The following NLGN1 variants were observed in gnomAD, a reference collection of about 807,000 sequenced individuals.
NLGN1 encodes neuroligin 1, also known as neuroligin-1.
A neutral mutation model predicts 65.5 loss-of-function variants in NLGN1; 12 were observed. The ratio of observed to expected loss-of-function variants is 0.18; its 90% CI spans 0.12 to 0.30. The LOEUF is 0.30. Ranked by LOEUF, NLGN1 falls within the 10% of genes least tolerant of loss-of-function variation. The pLI, the probability that NLGN1 is intolerant of heterozygous loss-of-function variation, is 1.00. For missense variants in NLGN1, 750 were observed against 1,007.1 expected (o/e 0.74, Z 3.46); for synonymous variants, 350 against 359.5 (o/e 0.97, Z 0.30).
At chr3:173,808,472 T>A (rs1717153094) in intron 4 of NLGN1, among the ~76,000 whole-genome samples, 2 of 152,148 alleles carry the variant, frequency 1.3e-5, no homozygotes, top group Non-Finnish European at 2.9e-5. Flanking sequence ...TAGAGACATA[T>A]TACTTATAAA....
At chr3:173,707,118 C>T (rs1768161283) in intron 3 of NLGN1, among the ~76,000 whole-genome samples, 2 of 152,190 alleles carry the variant, frequency 1.3e-5, no homozygotes, top group African/African-American at 4.8e-5. Flanking sequence ...AGATAAGGTC[C>T]TTGGTTGCAG....
At chr3:173,638,175 G>A (rs987473612) in intron 3 of NLGN1, among the ~76,000 whole-genome samples, 2 of 151,710 alleles carry the variant, frequency 1.3e-5, no homozygotes, top group African/African-American at 4.8e-5. Context: ...AATAAATAGG[G>A]GAATGCATTT....
intron 4 of NLGN1, among the ~76,000 whole-genome samples, chr3:174,226,556 G>A (rs938867278): frequency 6.6e-6 from 1 of 152,062 alleles, no homozygotes; most frequent in Non-Finnish European, 1.5e-5. Context: ...GGGAACTATT[G>A]AAGACTATAT....
intron 2 of NLGN1, among the ~76,000 whole-genome samples, chr3:173,441,220 G>A (rs1271442531): frequency 1.3e-5 from 2 of 152,174 alleles, no homozygotes; most frequent in Non-Finnish European, 2.9e-5. Flanking sequence ...CTTTTATCCA[G>A]ACTACTAAAA....
chr3:173,639,027 A>G (rs932233924), intron 3 of NLGN1, among the ~76,000 whole-genome samples: 6 of 152,210 alleles, frequency 3.9e-5, no homozygotes, highest in Non-Finnish European at 8.8e-5. Context: ...CTCAACAGGA[A>G]TGCTGAAGGA....
chr3:174,179,457 G>GTATA (rs1174274576), intron 4 of NLGN1, among the ~76,000 whole-genome samples: 1 of 152,060 alleles, frequency 6.6e-6, no homozygotes, highest in African/African-American at 2.4e-5. Context: ...AGCTTCTGAT[G>GTATA]TATACATAGC....
chr3:174,178,463 T>C (rs1030139281), intron 4 of NLGN1, among the ~76,000 whole-genome samples: 10 of 152,172 alleles, frequency 6.6e-5, no homozygotes, highest in African/African-American at 1.9e-4. Flanking sequence ...TAATTGTTAT[T>C]TGTAATCTTA....
chr3:173,724,835 A>G (rs1057390768), intron 3 of NLGN1, among the ~76,000 whole-genome samples: 1 of 152,218 alleles, frequency 6.6e-6, no homozygotes. Flanking sequence ...CATATACACC[A>G]TGGAATACTA....
chr3:173,849,970 T>C (rs1489013727), intron 4 of NLGN1, among the ~76,000 whole-genome samples: 1 of 152,150 alleles, frequency 6.6e-6, no homozygotes, highest in African/African-American at 2.4e-5. Flanking sequence ...TTTCTCTGTA[T>C]TGTATTTTCT....
At chr3:173,576,752 GT>G (rs1358206393) in intron 2 of NLGN1, among the ~76,000 whole-genome samples, 1 of 152,104 alleles carries the variant, frequency 6.6e-6, no homozygotes, top group Non-Finnish European at 1.5e-5. Flanking sequence ...GCCATATAAA[GT>G]GGCATATGCA....
intron 2 of NLGN1, among the ~76,000 whole-genome samples, chr3:173,505,498 C>G (rs150124887): frequency 2.4e-4 from 37 of 152,172 alleles, no homozygotes; most frequent in African/African-American, 8.7e-4. Flanking sequence ...TAATATCTGC[C>G]TCCTCTCCAG....
chr3:173,401,032 T>A (rs930854124), intron 1 of NLGN1, among the ~76,000 whole-genome samples: 17 of 152,156 alleles, frequency 1.1e-4, no homozygotes, highest in African/African-American at 4.1e-4. Flanking sequence ...GCCTCCAAAC[T>A]CGTGTCTGTC....
chr3:173,988,051 C>A (rs1720321786), intron 4 of NLGN1, among the ~76,000 whole-genome samples: 1 of 151,934 alleles, frequency 6.6e-6, no homozygotes, highest in African/African-American at 2.4e-5. Flanking sequence ...TTTCTATCAC[C>A]CAAAATAAAA....
At chr3:174,020,644 C>T (rs919129669) in intron 4 of NLGN1, among the ~76,000 whole-genome samples, 3 of 151,958 alleles carry the variant, frequency 2.0e-5, no homozygotes, top group Admixed American at 6.6e-5. Flanking sequence ...TGGAGTCATT[C>T]ACTAATGCAA....
intron 4 of NLGN1, among the ~76,000 whole-genome samples, chr3:173,826,456 T>C (rs566825466): frequency 4.8e-4 from 73 of 152,202 alleles, no homozygotes; most frequent in South Asian, 1.0e-3. Flanking sequence ...ACATAGATCG[T>C]GTCATGAGCG....
At chr3:173,619,590 A>G (rs1279073110) in intron 3 of NLGN1, among the ~76,000 whole-genome samples, 1 of 152,196 alleles carries the variant, frequency 6.6e-6, no homozygotes, top group Non-Finnish European at 1.5e-5. Context: ...AATCTTCACA[A>G]TAAACTTATG....
intron 1 of NLGN1, among the ~76,000 whole-genome samples, chr3:173,418,381 A>G (rs1424178808): frequency 6.6e-6 from 1 of 151,928 alleles, no homozygotes; most frequent in African/African-American, 2.4e-5. Context: ...TTGATCATGA[A>G]TTCTTGGGTT....
At chr3:173,775,424 G>T (rs1221830583) in intron 3 of NLGN1, among the ~76,000 whole-genome samples, 3 of 151,764 alleles carry the variant, frequency 2.0e-5, no homozygotes, top group Non-Finnish European at 4.4e-5. Context: ...TTGAACCCTT[G>T]ACATGTTACT....
intron 3 of NLGN1, among the ~76,000 whole-genome samples, chr3:173,775,447 G>A (rs1356411851): frequency 6.6e-6 from 1 of 151,876 alleles, no homozygotes. Context: ...GTTATCTGGG[G>A]TAAAGTATTA....
Sources: gnomAD v4.1 joint callset for allele counts (sites outside exome capture counted in the v4.1 genomes callset) on GRCh38, gnomAD v4.1.1 for gene constraint, MANE v1.5 for transcripts, NCBI Gene and HGNC (gene_info 2026-07-23, HGNC 2026-07-21) for gene names.